ATF6: variants seen among roughly 807,000 people sequenced by gnomAD.
ATF6 encodes cyclic AMP-dependent transcription factor ATF-6 alpha.
A neutral mutation model predicts 83.6 loss-of-function variants in ATF6; 53 were observed. The ratio of observed to expected loss-of-function variants is 0.63; its 90% CI spans 0.51 to 0.80. The LOEUF (loss-of-function observed/expected upper bound fraction) is 0.80, where lower values mean the gene tolerates loss of function less well. ATF6 is among the 30% of genes least tolerant of loss of function. The pLI, the probability that ATF6 is intolerant of heterozygous loss-of-function variation, is 0.00. For synonymous variants in ATF6, 288 were observed against 285.8 expected, an observed-to-expected ratio of 1.01 and a Z score of -0.08; for missense variants, 744 against 797.9, an observed-to-expected ratio of 0.93 and a Z score of 0.81.
intron 15 of ATF6, among the ~76,000 whole-genome samples, chr1:161,931,036 C>G (rs552959420): frequency 2.0e-4 from 30 of 152,194 alleles, no homozygotes; most frequent in African/African-American, 6.7e-4. Flanking sequence ...ACCACCATGC[C>G]TGGCTAATTT....
chr1:161,804,622 A>G (rs1156845346), intron 7 of ATF6, among the ~76,000 whole-genome samples: 1 of 152,084 alleles, frequency 6.6e-6, no homozygotes, highest in Non-Finnish European at 1.5e-5. Flanking sequence ...TCTTCTAAAC[A>G]TAAGGTTTTT....
At chr1:161,829,661 A>G (rs977749453) in intron 9 of ATF6, among the ~76,000 whole-genome samples, 7 of 152,122 alleles carry the variant, frequency 4.6e-5, no homozygotes, top group African/African-American at 1.4e-4. Flanking sequence ...TACACAAATC[A>G]ATAAATGTAA....
chr1:161,963,941 T>G lies in ATF6; in HGVS notation c.*5287T>G, dbSNP rs1405113231. The G allele has an allele frequency of 1.3e-5, 2 of 152,100 alleles. No individual in the cohort carries two copies. Among genetic ancestry groups the G allele is most frequent in the Non-Finnish European group, 2.9e-5 (2 of 68,016 alleles). 9.4% of individuals were successfully genotyped at this position (152,100 alleles called of 1,614,324 possible). A position where few individuals can be genotyped will look rare whatever the true frequency, so the allele number is the denominator to read the frequency against. ...GATGAGGAGGAGAGATGTACCATTC[T>G]CTCCCTTAATAATGATGTTGGTTTG... On this transcript the variant is annotated 3_prime_UTR_variant, in exon 16 of 16. Transcript: ENST00000367942.
At chr1:161,814,860 T>C (rs1685573625) in intron 7 of ATF6, among the ~76,000 whole-genome samples, 1 of 152,218 alleles carries the variant, frequency 6.6e-6, no homozygotes, top group African/African-American at 2.4e-5. Context: ...TGATTTTAAC[T>C]ATGTGTGTTT....
At chr1:161,912,237 G>C in intron 14 of ATF6, 59 bp from the exon 15 acceptor site, 1 of 1,168,916 alleles carries the variant, frequency 8.6e-7, no homozygotes. Flanking sequence ...CCTGAATTTG[G>C]CCTGTTCTAG....
chr1:161,917,513 C>T (rs972925307), intron 15 of ATF6, among the ~76,000 whole-genome samples: 5 of 151,990 alleles, frequency 3.3e-5, no homozygotes, highest in Non-Finnish European at 4.4e-5. Context: ...CTCCACCTCC[C>T]GGGTTCACAC....
At chr1:161,811,704 T>G (rs1268264575) in intron 7 of ATF6, among the ~76,000 whole-genome samples, 1 of 151,456 alleles carries the variant, frequency 6.6e-6, no homozygotes, top group Non-Finnish European at 1.5e-5. Context: ...CATCCATCCA[T>G]CCATCCATCC....
rs192862419 is a variant in ATF6, at chr1:161,920,953, T to G, written c.1804+8573T>G. On this transcript the variant is annotated intron_variant, in intron 15 of 15. Transcript: ENST00000367942. ...GGCACATTATGATTTGAAAAAAAAT[T>G]TGGAGTCTTTTTAGTAAGGATCCAC... 4.0e-5 allele frequency among the ~76,000 whole-genome samples: 6 copies of G among 151,814 alleles called. No homozygotes were observed. The East Asian group carries it at 9.8e-4, about 25-fold the overall frequency.
Position 161,958,801 on chromosome 1 carries a change from C to T in ATF6, c.*147C>T, listed in dbSNP as rs1208745241. On this transcript the variant is annotated 3_prime_UTR_variant, in exon 16 of 16. Transcript: ENST00000367942. ...AGGAAAGAAGAAGAAATAAAAGAAGCTGCTCCATTTTTCATCATCTACCCA... is the reference window on the plus strand; with the variant it reads ...AGGAAAGAAGAAGAAATAAAAGAAGTTGCTCCATTTTTCATCATCTACCCA... 1.5e-6 allele frequency: 1 copy of T among 659,982 alleles called. No homozygotes were observed. The highest frequency in any genetic ancestry group is 2.4e-6 in the Non-Finnish European group (1 of 412,760). The allele number at this position is 659,982 out of a possible 1,614,324, so 40.9% of individuals were successfully genotyped here.
rs1685576490 is a variant in ATF6, at chr1:161,814,930, T to C, written c.910-4703T>C. ...TACATATGCAATAATGTATGTTATG[T>C]AATTTTTATTTAATTGAAAGATTGT... On this transcript the variant is annotated intron_variant, in intron 7 of 15. Coordinates refer to ENST00000367942, the MANE Select transcript of ATF6 (RefSeq NM_007348.4). Among the ~76,000 whole-genome samples the C allele has an allele frequency of 2.0e-5, 3 of 152,334 alleles. No homozygotes were observed. In the South Asian group the frequency reaches 6.2e-4, roughly 32 times the overall value.
intron 14 of ATF6, 36 bp downstream of exon 14, chr1:161,863,348 T>G (rs1033417669): frequency 8.0e-6 from 11 of 1,380,714 alleles, no homozygotes; most frequent in African/African-American, 1.4e-5. Flanking sequence ...CAAATATTTT[T>G]GAGTGCTTGC....
intron 14 of ATF6, among the ~76,000 whole-genome samples, chr1:161,907,683 C>G (rs2101884929): frequency 6.6e-6 from 1 of 152,272 alleles, no homozygotes; most frequent in South Asian, 2.1e-4. Context: ...AGTAGATAGT[C>G]TGTTAATAAA....
rs774727601 is a variant in ATF6, at chr1:161,766,341, A to G, written c.-20A>G. ...TCCCAGATATTAATCACGGAGTTCCAGGGAGAAGGAACTTGTGAAATGGGG... is the reference window on the plus strand; with the variant it reads ...TCCCAGATATTAATCACGGAGTTCCGGGGAGAAGGAACTTGTGAAATGGGG... On this transcript the variant is annotated 5_prime_UTR_variant, in exon 1 of 16. Coordinates refer to ENST00000367942, the MANE Select transcript of ATF6 (RefSeq NM_007348.4). The G allele has an allele frequency of 4.6e-5, 74 of 1,608,468 alleles. No individual in the cohort carries two copies. Among genetic ancestry groups the G allele is most frequent in the Non-Finnish European group, 6.3e-5 (74 of 1,175,558 alleles).
intron 9 of ATF6, among the ~76,000 whole-genome samples, chr1:161,822,266 T>G (rs1384579530): frequency 1.3e-5 from 2 of 152,150 alleles, no homozygotes; most frequent in East Asian, 1.9e-4. Context: ...GACACCAGTA[T>G]GAATAGTAGA....
At chr1:161,824,180 C>T (rs1469233633) in intron 9 of ATF6, among the ~76,000 whole-genome samples, 1 of 152,008 alleles carries the variant, frequency 6.6e-6, no homozygotes, top group Non-Finnish European at 1.5e-5. Context: ...TATTGTTAGC[C>T]TGTCACATTG....
chr1:161,807,439 C>A (rs996612906), intron 7 of ATF6, among the ~76,000 whole-genome samples: 4 of 152,116 alleles, frequency 2.6e-5, no homozygotes, highest in Non-Finnish European at 1.5e-5. Context: ...TTCTTAATAA[C>A]TTCTAACAAC....
At chr1:161,841,854 G>A (rs1298139501) in intron 9 of ATF6, among the ~76,000 whole-genome samples, 6 of 152,162 alleles carry the variant, frequency 3.9e-5, no homozygotes, top group East Asian at 1.9e-4. Flanking sequence ...CTGATTTCCA[G>A]TAAGTACAGC....
intron 7 of ATF6, among the ~76,000 whole-genome samples, chr1:161,813,098 AG>A: frequency 6.6e-6 from 1 of 152,180 alleles, no homozygotes; most frequent in Non-Finnish European, 1.5e-5. Flanking sequence ...AAAAGAAAAA[AG>A]AAAAAAAAAG....
chr1:161,781,758 A>G (rs1684638496), intron 2 of ATF6, among the ~76,000 whole-genome samples, 154 bp from the exon 3 acceptor site: 1 of 152,222 alleles, frequency 6.6e-6, no homozygotes. Context: ...GCTATCCAAG[A>G]TGTATTCTCA....
Sources: gnomAD v4.1 joint callset for allele counts (sites outside exome capture counted in the v4.1 genomes callset) on GRCh38, gnomAD v4.1.1 for gene constraint, MANE v1.5 for transcripts, NCBI Gene and HGNC (gene_info 2026-07-23, HGNC 2026-07-21) for gene names.